The following PASD1 variants were observed in gnomAD, a reference collection of about 807,000 sequenced individuals.
The protein encoded by PASD1 is circadian clock protein PASD1.
PASD1 carries 13 observed loss-of-function variants against 58.8 expected under a neutral mutation model. The ratio of observed to expected loss-of-function variants is 0.22; its 90% CI spans 0.14 to 0.35. PASD1 has a LOEUF of 0.35. Ranked by LOEUF, PASD1 falls within the 10% of genes least tolerant of loss-of-function variation. The probability of loss-of-function intolerance (pLI) is 1.00; values close to 1 mark genes in which losing one functional copy is unlikely to be tolerated. For missense variants in PASD1, 734 were observed against 568.3 expected, an observed-to-expected ratio of 1.29 and a Z score of -2.96; for synonymous variants, 236 against 216.7, an observed-to-expected ratio of 1.09 and a Z score of -0.78.
In PASD1 at chrX:151,671,482, T is replaced by C. The variant is rs761250567; in HGVS notation, c.1231-91T>C. ...CCAAGGCTTCCTGTAGGCTTGCCTG[T>C]GGGCAGTCCTGCTCCATGCCCAGCT... On this transcript the variant is annotated intron_variant, in intron 12 of 15. Coordinates refer to ENST00000370357, the MANE Select transcript of PASD1 (RefSeq NM_173493.3). The C allele has an allele frequency of 9.2e-4, 941 of 1,022,497 alleles. 2 individuals carry two copies. Among genetic ancestry groups the C allele is most frequent in the Non-Finnish European group, 1.2e-3 (894 of 739,756 alleles). The allele number at this position is 1,022,497 out of a possible 1,213,427, so 84.3% of individuals were successfully genotyped here.
At chrX:151,611,982 C>A (rs781457513) in intron 4 of PASD1, among the ~76,000 whole-genome samples, 3 of 67,090 alleles carry the variant, frequency 4.5e-5, no homozygotes, top group African/African-American at 1.9e-4. Context: ...CCCCACCCTA[C>A]AACAGGCCCC....
At chrX:151,668,916 A>AG (rs112024773) in intron 11 of PASD1, among the ~76,000 whole-genome samples, 9 of 93,267 alleles carry the variant, frequency 9.6e-5, no homozygotes, top group African/African-American at 3.5e-4. Flanking sequence ...AAAAAAAGAG[A>AG]TTTTTTTTTT....
chrX:151,658,198 G>A (rs2071866307), intron 9 of PASD1, among the ~76,000 whole-genome samples: 1 of 111,999 alleles, frequency 8.9e-6, no homozygotes, highest in African/African-American at 3.2e-5. Flanking sequence ...ATGGAATAAA[G>A]GTGAATCCAA....
chrX:151,653,771 T>C (rs867097380), intron 9 of PASD1, among the ~76,000 whole-genome samples: 1 of 4,362 alleles, frequency 2.3e-4, no homozygotes, highest in Non-Finnish European at 9.7e-4. Flanking sequence ...TCTTTCTTTC[T>C]TTCTTTCTTT....
rs2014483968 is a variant in PASD1, at chrX:151,672,237, GAGCAGCTGC to G, written c.1494_1502del (p.Gln501_Leu503del). ...GAAGGAGCAGCAGCGGCAGCTGCGG[GAGCAGCTGC>G]AACAGCTGAGAGAGCAAAGGAAGGT... On this transcript the variant is annotated inframe_deletion, in exon 14 of 16. Transcript: ENST00000370357. 3 of 1,162,565 alleles carry G rather than the reference GAGCAGCTGC, an allele frequency of 2.6e-6. No individual in the cohort carries two copies. Among genetic ancestry groups the G allele is most frequent in the Non-Finnish European group, 3.4e-6 (3 of 871,411 alleles).
In PASD1 at chrX:151,664,260, C is replaced by A. The variant is rs145659327; in HGVS notation, c.983C>A (p.Pro328Gln). 7.4e-5 allele frequency: 90 copies of A among 1,209,153 alleles called. No homozygotes were observed. The African/African-American group carries it at 1.4e-3, about 18-fold the overall frequency. Residue 328 changes from proline to glutamine, a missense_variant, in exon 11 of 16, where the codon CCA (proline) becomes CAA (glutamine). Pro to Gln is a moderately conservative substitution (Grantham distance 76). Coordinates refer to ENST00000370357, the MANE Select transcript of PASD1 (RefSeq NM_173493.3). ...ATGGACCAGCAGGACCCAGAGAACCCAGTTGCCCCGTTGGACCAGGCAGGC... is the reference window on the plus strand; with the variant it reads ...ATGGACCAGCAGGACCCAGAGAACCAAGTTGCCCCGTTGGACCAGGCAGGC... ...GPMDQQDPEN[P>Q]VAPLDQAGLM...
intron 9 of PASD1, among the ~76,000 whole-genome samples, chrX:151,659,292 T>C (rs781018823): frequency 8.9e-6 from 1 of 111,833 alleles, no homozygotes; most frequent in Non-Finnish European, 1.9e-5. Flanking sequence ...TGCTGTCCCA[T>C]TTCTCTGTGA....
chrX:151,600,277 G>A (rs1297612596), intron 1 of PASD1, among the ~76,000 whole-genome samples: 2 of 108,476 alleles, frequency 1.8e-5, no homozygotes, highest in Admixed American at 9.8e-5. Flanking sequence ...GAGGGAGAGG[G>A]AGAGGGAGAC....
intron 8 of PASD1, among the ~76,000 whole-genome samples, chrX:151,637,468 C>T (rs376836933): frequency 2.7e-5 from 3 of 111,426 alleles, no homozygotes; most frequent in South Asian, 7.6e-4. Context: ...CCTGTGCCTC[C>T]TGGGCTCAAG....
intron 9 of PASD1, among the ~76,000 whole-genome samples, chrX:151,658,786 A>G (rs191514663): frequency 8.4e-4 from 95 of 112,508 alleles, no homozygotes; most frequent in Admixed American, 7.1e-3. Flanking sequence ...CCAATCCAGA[A>G]CAAAAGCAAA....
At chrX:151,656,466 A>G (rs1290355056) in intron 9 of PASD1, among the ~76,000 whole-genome samples, 4 of 111,620 alleles carry the variant, frequency 3.6e-5, no homozygotes, top group Non-Finnish European at 5.6e-5. Context: ...CCATTTTCAC[A>G]ATATTGATTC....
chrX:151,598,544 C>T (rs2013352542), intron 1 of PASD1, among the ~76,000 whole-genome samples: 1 of 111,331 alleles, frequency 9.0e-6, no homozygotes, highest in African/African-American at 3.3e-5. Context: ...TGTGCCTTCC[C>T]ATTTTGTCCT....
At position 151,671,617 on chromosome X, in the gene PASD1, A is replaced by G. The variant is rs200291644; in HGVS notation, c.1275A>G (p.Gln425=). Residue 425 remains glutamine, a synonymous_variant, in exon 13 of 16, where the codon CAA becomes CAG. Coordinates refer to ENST00000370357, the MANE Select transcript of PASD1 (RefSeq NM_173493.3). The stretch of plus-strand genomic sequence containing the variant: ...GCCACGTTGTCATTCCTGATCTCCA[A>G]TCTTCGGAGGCAGTGCCCAAGAAAC... ...TLRHVVIPDL[Q]SSEAVPKKQQ... 108 of 1,210,070 alleles carry G rather than the reference A, an allele frequency of 8.9e-5. No homozygotes were observed. Among genetic ancestry groups the G allele is most frequent in the Admixed American group, 1.1e-4 (5 of 45,823 alleles).
intron 9 of PASD1, among the ~76,000 whole-genome samples, chrX:151,651,639 A>G (rs1293642902): frequency 1.8e-5 from 2 of 112,446 alleles, no homozygotes; most frequent in Non-Finnish European, 1.9e-5. Flanking sequence ...TATTCATTCA[A>G]CAGATACTTA....
chrX:151,655,920 G>A (rs2014234482), intron 9 of PASD1, among the ~76,000 whole-genome samples: 1 of 112,013 alleles, frequency 8.9e-6, no homozygotes, highest in South Asian at 3.7e-4. Context: ...TAGACATGAA[G>A]TCCTTGCCCA....
At chrX:151,584,132 C>G (rs2013134264) in intron 1 of PASD1, among the ~76,000 whole-genome samples, 2 of 111,321 alleles carry the variant, frequency 1.8e-5, no homozygotes, top group African/African-American at 6.5e-5. Flanking sequence ...CACAGTAGAC[C>G]ACTCTCATTG....
chrX:151,675,071 T>C (rs927336098), intron 15 of PASD1, among the ~76,000 whole-genome samples: 1 of 111,737 alleles, frequency 8.9e-6, no homozygotes, highest in African/African-American at 3.3e-5. Context: ...CAGACTTTGT[T>C]GAGAACATCT....
At chrX:151,614,307 A>G (rs1292687010) in intron 4 of PASD1, among the ~76,000 whole-genome samples, 1 of 111,513 alleles carries the variant, frequency 9.0e-6, no homozygotes, top group Non-Finnish European at 1.9e-5. Flanking sequence ...TTATAAGGAT[A>G]CTAATCCCAT....
intron 1 of PASD1, among the ~76,000 whole-genome samples, chrX:151,575,810 A>G (rs1023620166): frequency 1.8e-5 from 2 of 110,046 alleles, no homozygotes; most frequent in African/African-American, 3.3e-5. Flanking sequence ...GACTACAGAC[A>G]TGTAGTGCCA....
Sources: allele counts gnomAD v4.1 joint callset (sites outside exome capture counted in the v4.1 genomes callset), GRCh38; gene constraint gnomAD v4.1.1; transcripts MANE v1.5; gene names NCBI Gene and HGNC (gene_info 2026-07-23, HGNC 2026-07-21).